The following ANO4 variants were observed in gnomAD, a reference collection of about 807,000 sequenced individuals.
ANO4 encodes anoctamin 4.
ANO4 carries 69 observed loss-of-function variants against 141.9 expected under a neutral mutation model. The observed-to-expected ratio is 0.49, with a 90% CI of 0.40 to 0.59. ANO4 has a LOEUF of 0.59. Among genes scored for constraint, ANO4 ranks in the 20% least tolerant of loss-of-function variants. ANO4 has a pLI of 0.00. For missense variants in ANO4, 894 were observed against 1,162.2 expected (o/e 0.77, Z 3.36); for synonymous variants, 350 against 394.3 (o/e 0.89, Z 1.33).
chr12:100,846,335 T>C (rs1346680301), intron 1 of ANO4, among the ~76,000 whole-genome samples: 1 of 152,238 alleles, frequency 6.6e-6, no homozygotes, highest in East Asian at 1.9e-4. Context: ...AATTATTGAT[T>C]CATATAAAGT....
chr12:100,947,955 G>C (rs1407324986), intron 5 of ANO4, among the ~76,000 whole-genome samples: 2 of 151,966 alleles, frequency 1.3e-5, no homozygotes, highest in Non-Finnish European at 2.9e-5. Context: ...AGGCCAAGGC[G>C]GGCGGATCAC....
At chr12:101,059,996 C>T (rs1249847873) in intron 14 of ANO4, among the ~76,000 whole-genome samples, 9 of 152,082 alleles carry the variant, frequency 5.9e-5, no homozygotes, top group Admixed American at 3.3e-4. Flanking sequence ...AGATCTTTCC[C>T]GCTTTCTCCT....
chr12:100,906,285 G>A (rs1484134339), intron 2 of ANO4, among the ~76,000 whole-genome samples: 5 of 152,056 alleles, frequency 3.3e-5, no homozygotes, highest in African/African-American at 9.7e-5. Context: ...GAGGGTACAA[G>A]ACATCAAGGG....
intron 8 of ANO4, among the ~76,000 whole-genome samples, chr12:100,991,513 TAAAAA>T (rs59975425): frequency 9.0e-6 from 1 of 111,150 alleles, no homozygotes; most frequent in African/African-American, 3.4e-5. Flanking sequence ...ATGAAAATAG[TAAAAA>T]AAAAAAAAAA....
rs2044764217 is a variant in ANO4 at position 100,987,547 on chromosome 12, A to G, written c.611A>G (p.Lys204Arg). ...RRYKFMSRID[K>R]QISRFRRWLP... ...CCTTCCATGTACCACAGGATCGATA[A>G]ACAAATAAGCAGGTTTCGGAGATGG... The change falls in exon 8 of 28, where the codon AAA (lysine) becomes AGA (arginine). Residue 204 changes from lysine to arginine, a missense_variant. This residue lies in a region of ANO4 where 257 missense variants were observed against 253.0 expected (regional missense o/e 1.02). Transcript: ENST00000392977. 6.2e-7 allele frequency: 1 copy of G among 1,613,830 alleles called. No individual in the cohort carries two copies. Among genetic ancestry groups the G allele is most frequent in the African/African-American group, 1.3e-5 (1 of 75,014 alleles).
At chr12:101,004,370 G>A (rs1241627783) in intron 8 of ANO4, among the ~76,000 whole-genome samples, 1 of 149,816 alleles carries the variant, frequency 6.7e-6, no homozygotes, top group East Asian at 1.9e-4. Context: ...AGGATATGGG[G>A]CAACGGAGTG....
intron 7 of ANO4, among the ~76,000 whole-genome samples, chr12:100,979,589 A>T (rs373630788): frequency 1.1e-4 from 16 of 152,258 alleles, no homozygotes; most frequent in East Asian, 9.7e-4. Context: ...AAGGAGAAAG[A>T]GGGGACAGGA....
At chr12:101,013,128 A>G (rs887643247) in intron 8 of ANO4, among the ~76,000 whole-genome samples, 30 of 152,198 alleles carry the variant, frequency 2.0e-4, no homozygotes, top group Non-Finnish European at 1.3e-4. Context: ...TTTAAGATGG[A>G]AAAGCCTAGG....
chr12:101,062,058 G>C (rs755873298), intron 14 of ANO4, among the ~76,000 whole-genome samples: 12 of 152,104 alleles, frequency 7.9e-5, no homozygotes, highest in Non-Finnish European at 1.3e-4. Context: ...TCTTCACCTG[G>C]GGTTTTTGAG....
At chr12:100,944,373 T>TA (rs1252168996) in intron 5 of ANO4, among the ~76,000 whole-genome samples, 5 of 138,824 alleles carry the variant, frequency 3.6e-5, no homozygotes, top group Admixed American at 7.6e-5. Flanking sequence ...TTGTTGGAAT[T>TA]TAAAAAAAAA....
chr12:100,896,117 G>T (rs918165031), intron 1 of ANO4, among the ~76,000 whole-genome samples: 5 of 152,104 alleles, frequency 3.3e-5, no homozygotes, highest in Non-Finnish European at 7.4e-5. Context: ...TGCCCACTGT[G>T]GTGGGCTGAT....
chr12:101,023,574 G>C (rs1449001307), intron 9 of ANO4, among the ~76,000 whole-genome samples: 2 of 152,202 alleles, frequency 1.3e-5, no homozygotes, highest in East Asian at 3.9e-4. Flanking sequence ...AGGAGGCTGA[G>C]ATGGGAGGAT....
intron 5 of ANO4, among the ~76,000 whole-genome samples, chr12:100,955,492 T>G (rs969447141): frequency 2.0e-5 from 3 of 152,176 alleles, no homozygotes; most frequent in African/African-American, 7.2e-5. Flanking sequence ...CTAGAAGCAT[T>G]TATTCTGCTG....
intron 14 of ANO4, chr12:101,068,986 A>G: frequency 1.3e-6 from 1 of 790,860 alleles, no homozygotes; most frequent in Non-Finnish European, 2.3e-6. Flanking sequence ...TGAAAAATCA[A>G]ACAAAGCTCT....
intron 9 of ANO4, among the ~76,000 whole-genome samples, chr12:101,022,932 G>A (rs2046590906): frequency 6.6e-6 from 1 of 152,048 alleles, no homozygotes; most frequent in Non-Finnish European, 1.5e-5. Context: ...GTGGAGACGG[G>A]GTTTCACTAT....
chr12:100,739,990 CT>C lies in ANO4; in HGVS notation c.245del (p.Phe82SerfsTer33), dbSNP rs992036697. ...CAGGCATCCCTGTGTACCACCGATC[CT>C]TCACCCGCAAGACTGACCAGGCCAC... On this transcript the variant is annotated frameshift_variant, in exon 3 of 30. Transcript: ENST00000644049. LOFTEE classifies it high-confidence loss of function. 3 of 702,478 alleles carry C rather than the reference CT, an allele frequency of 4.3e-6. No homozygotes were observed. The African/African-American group carries it at 5.2e-5, about 12-fold the overall frequency. 43.5% of individuals were successfully genotyped at this position (702,478 alleles called of 1,614,324 possible).
At chr12:100,819,500 A>G (rs1337774882) in intron 1 of ANO4, among the ~76,000 whole-genome samples, 1 of 152,018 alleles carries the variant, frequency 6.6e-6, no homozygotes, top group Non-Finnish European at 1.5e-5. Context: ...TGGTATAAAA[A>G]TGATATTTTA....
Position 101,043,537 on chromosome 12 carries a change from A to G in ANO4, c.1155-2A>G. The G allele has an allele frequency of 1.2e-6, 2 of 1,609,008 alleles. No homozygotes were observed. Among genetic ancestry groups the G allele is most frequent in the Non-Finnish European group, 1.7e-6 (2 of 1,175,680 alleles). On this transcript the variant is annotated splice_acceptor_variant, in intron 12 of 27. Coordinates refer to ENST00000392977, the MANE Select transcript of ANO4 (RefSeq NM_001286615.2). LOFTEE classifies it high-confidence loss of function. ...AGCAGTCCTTTCTGTTCTCTTTTCC[A>G]GTAAAGAAGTCTGCCAAGCTACAGA...
At chr12:100,756,119 G>A (rs1436083084) in intron 3 of ANO4, among the ~76,000 whole-genome samples, 1 of 152,064 alleles carries the variant, frequency 6.6e-6, no homozygotes, top group Non-Finnish European at 1.5e-5. Flanking sequence ...AATTCTAAAA[G>A]TTATATTGAA....
Sources: gnomAD v4.1 joint callset for allele counts (sites outside exome capture counted in the v4.1 genomes callset) on GRCh38, gnomAD v4.1.1 for gene constraint, gnomAD v4.1.1 regional missense constraint, MANE v1.5 for transcripts, NCBI Gene and HGNC (gene_info 2026-07-23, HGNC 2026-07-21) for gene names.